The following WTAP variants were observed in gnomAD, a reference collection of about 807,000 sequenced individuals.
WTAP encodes pre-mRNA-splicing regulator WTAP.
Under a neutral mutation model 50.0 loss-of-function variants are expected in WTAP, and 8 were observed. The ratio of observed to expected loss-of-function variants is 0.16; its 90% CI spans 0.09 to 0.29. The LOEUF (loss-of-function observed/expected upper bound fraction) is 0.29, where lower values mean the gene tolerates loss of function less well. Ranked by LOEUF, WTAP falls within the 10% of genes least tolerant of loss-of-function variation. The pLI is 1.00. For missense variants in WTAP, 295 were observed against 470.7 expected (o/e 0.63, Z 3.45); for synonymous variants, 194 against 169.0 (o/e 1.15, Z -1.15).
chr6:159,743,583 A>G lies in WTAP; in HGVS notation c.146-82A>G, dbSNP rs1197169917. On this transcript the variant is annotated intron_variant, in intron 4 of 7. Transcript: ENST00000621533. Reference sequence around the variant, plus strand: ...AACTAAAGACTTGATTAATTTTTTGACCCTAGTTCTTATTGTTCTTGACAG... The same window carrying G: ...AACTAAAGACTTGATTAATTTTTTGGCCCTAGTTCTTATTGTTCTTGACAG... 9 of 1,299,372 alleles carry G rather than the reference A, an allele frequency of 6.9e-6. No individual in the cohort carries two copies. The African/African-American group carries it at 1.1e-4, about 15-fold the overall frequency. The allele number at this position is 1,299,372 out of a possible 1,614,324, so 80.5% of individuals were successfully genotyped here. A position where few individuals can be genotyped will look rare whatever the true frequency, so the allele number is the denominator to read the frequency against.
In WTAP at chr6:159,755,460, ACTCT is replaced by A; in HGVS notation, c.1044_1047del (p.Leu349HisfsTer19). The A allele has an allele frequency of 6.2e-7, 1 of 1,613,680 alleles. No individual in the cohort carries two copies. The highest frequency in any genetic ancestry group is 8.5e-7 in the Non-Finnish European group (1 of 1,179,930). ...GTAGACTCTCCCACGGGCAGTGAAA[ACTCT>A]CTCACACACCAATCAAATGACACAG... On this transcript the variant is annotated frameshift_variant, in exon 8 of 8. Transcript: ENST00000621533. LOFTEE classifies it high-confidence loss of function.
At chr6:159,730,903 G>T (rs1256906789) in intron 1 of WTAP, 1 of 151,894 alleles carries the variant, frequency 6.6e-6, no homozygotes, top group Non-Finnish European at 1.5e-5. Flanking sequence ...TTTTTAAAAA[G>T]AACATAAGCC....
At chr6:159,754,946 C>T in intron 7 of WTAP, 82 bp from the exon 8 acceptor site, 1 of 1,380,080 alleles carries the variant, frequency 7.2e-7, no homozygotes, top group Non-Finnish European at 9.7e-7. Flanking sequence ...TTATTGACTC[C>T]CTTGCTTTGT....
At chr6:159,728,628 A>C (rs993122961) in intron 1 of WTAP, among the ~76,000 whole-genome samples, 2 of 152,240 alleles carry the variant, frequency 1.3e-5, no homozygotes, top group African/African-American at 4.8e-5. Flanking sequence ...ATAGATAAAC[A>C]TGTTGTGGAC....
intron 3 of WTAP, 105 bp downstream of exon 3, chr6:159,739,150 A>T: frequency 1.1e-6 from 1 of 894,790 alleles, no homozygotes; most frequent in African/African-American, 1.7e-5. Context: ...ATGTTGTTCT[A>T]TCCTCAAATA....
At chr6:159,730,761 T>A (rs1264828200) in intron 1 of WTAP, 1 of 152,224 alleles carries the variant, frequency 6.6e-6, no homozygotes, top group African/African-American at 2.4e-5. Flanking sequence ...CTCTGAGAGT[T>A]GACTTAGGAA....
intron 1 of WTAP, among the ~76,000 whole-genome samples, chr6:159,735,605 C>G (rs978293633): frequency 2.0e-5 from 3 of 151,934 alleles, no homozygotes. Context: ...AAAAATGAGC[C>G]AGGTGTGGTG....
At position 159,755,786 on chromosome 6, in the gene WTAP, T is replaced by TTTTTTTTTTTTTTTTTTTTTTTC; in HGVS notation, c.*179_*180insTTTTTTTTTTTTTTTTTTCTTTT. 1 of 1,012,990 alleles carries TTTTTTTTTTTTTTTTTTTTTTTC rather than the reference T, an allele frequency of 9.9e-7. No homozygotes were observed. Among genetic ancestry groups the TTTTTTTTTTTTTTTTTTTTTTTC allele is most frequent in the African/African-American group, 1.8e-5 (1 of 56,690 alleles). 62.8% of individuals were successfully genotyped at this position (1,012,990 alleles called of 1,614,324 possible). On this transcript the variant is annotated 3_prime_UTR_variant, in exon 8 of 8. Transcript: ENST00000621533. ...TTTTCTTTTTTTTTTTTTTTTTTTT[T>TTTTTTTTTTTTTTTTTTTTTTTC]TTTTGCTTCAATACTTCTGCCGCTT... is the stretch of plus-strand genomic sequence containing the variant.
At chr6:159,731,015 C>T (rs997032105) in intron 1 of WTAP, 1 of 151,720 alleles carries the variant, frequency 6.6e-6, no homozygotes, top group African/African-American at 2.4e-5. Flanking sequence ...GTGGTGCGTG[C>T]CTGTAGTTCC....
intron 5 of WTAP, among the ~76,000 whole-genome samples, chr6:159,747,662 C>G (rs1455884859): frequency 6.6e-6 from 1 of 152,060 alleles, no homozygotes; most frequent in African/African-American, 2.4e-5. Context: ...AGAATAATTT[C>G]CACAGGTAAA....
intron 4 of WTAP, among the ~76,000 whole-genome samples, chr6:159,742,935 C>A (rs965606827): frequency 6.6e-6 from 1 of 152,004 alleles, no homozygotes; most frequent in African/African-American, 2.4e-5. Context: ...CCCGGGAGGT[C>A]AAGGCTGCTG....
intron 2 of WTAP, 144 bp downstream of exon 2, chr6:159,736,439 T>G: frequency 1.5e-6 from 1 of 684,592 alleles, no homozygotes; most frequent in Non-Finnish European, 2.6e-6. Context: ...ATAATAGCAT[T>G]GGAGTTGTAC....
At chr6:159,753,250 T>G in intron 6 of WTAP, 1 of 618,750 alleles carries the variant, frequency 1.6e-6, no homozygotes. Flanking sequence ...TTTGGGCACT[T>G]TTTGTTTAGG....
At chr6:159,729,923 G>C (rs929444400) in intron 1 of WTAP, among the ~76,000 whole-genome samples, 1 of 152,308 alleles carries the variant, frequency 6.6e-6, no homozygotes, top group African/African-American at 2.4e-5. Context: ...GATCTGGGAT[G>C]CTAGGCACCT....
intron 1 of WTAP, among the ~76,000 whole-genome samples, chr6:159,735,634 A>T (rs975625088): frequency 1.3e-5 from 2 of 152,104 alleles, no homozygotes; most frequent in African/African-American, 4.8e-5. Context: ...CTGTAGTCCC[A>T]GCTATTTAGG....
intron 6 of WTAP, chr6:159,749,268 T>C: frequency 1.0e-6 from 1 of 985,874 alleles, no homozygotes; most frequent in African/African-American, 1.7e-5. Context: ...CTGCATTATT[T>C]TTTTTAGTGA....
intron 1 of WTAP, among the ~76,000 whole-genome samples, chr6:159,732,751 G>A (rs1412805225): frequency 6.6e-6 from 1 of 152,084 alleles, no homozygotes; most frequent in African/African-American, 2.4e-5. Context: ...TTGAATCCAG[G>A]CGGTGGAGGT....
upstream of WTAP, chr6:159,727,374 T>TGGAGGCGGGA: frequency 9.7e-7 from 1 of 1,032,512 alleles, no homozygotes; most frequent in South Asian, 1.6e-5. Context: ...GCGGGGAGGC[T>TGGAGGCGGGA]GGCGGGAGGC....
Position 159,753,633 on chromosome 6 carries a change from T to C in WTAP, c.607+19T>C. 1 of 1,587,234 alleles carries C rather than the reference T, an allele frequency of 6.3e-7. No homozygotes were observed. The highest frequency in any genetic ancestry group is 8.6e-7 in the Non-Finnish European group (1 of 1,167,178). ...CAGGATGGTAAGGGGTTTGTTTCTT[T>C]TTGGAACGTTGTCTCAACTTTGCAT... On this transcript the variant is annotated intron_variant, in intron 7 of 7. Transcript: ENST00000621533.
Sources: gnomAD v4.1 joint callset for allele counts (sites outside exome capture counted in the v4.1 genomes callset) on GRCh38, gnomAD v4.1.1 for gene constraint, MANE v1.5 for transcripts, NCBI Gene and HGNC (gene_info 2026-07-23, HGNC 2026-07-21) for gene names.